Variants in MCTP2 observed in about 807,000 individuals in gnomAD.
MCTP2 encodes multiple C2 and transmembrane domain-containing protein 2.
A neutral mutation model predicts 111.6 loss-of-function variants in MCTP2; 132 were observed. The ratio of observed to expected loss-of-function variants is 1.18; its 90% CI spans 1.03 to 1.37. The LOEUF is 1.37. MCTP2 is among the 40% of genes most tolerant of loss of function. The probability of loss-of-function intolerance (pLI) is 0.00; values close to 1 mark genes in which losing one functional copy is unlikely to be tolerated. For synonymous variants in MCTP2, 395 were observed against 387.7 expected, an observed-to-expected ratio of 1.02 and a Z score of -0.22; for missense variants, 1,183 against 1,067.9, an observed-to-expected ratio of 1.11 and a Z score of -1.50.
chr15:94,415,039 A>G (rs964661230), intron 17 of MCTP2, among the ~76,000 whole-genome samples: 1 of 152,076 alleles, frequency 6.6e-6, no homozygotes, highest in Non-Finnish European at 1.5e-5. Context: ...AATGCCTTCT[A>G]TGTGGATGAT....
chr15:94,401,828 A>G (rs1219281772), intron 16 of MCTP2, 72 bp from the exon 17 acceptor site: 3 of 1,179,622 alleles, frequency 2.5e-6, no homozygotes, highest in Non-Finnish European at 3.6e-6. Context: ...TTAAATGATC[A>G]GGGTACCTGA....
At chr15:94,381,318 TTC>T (rs368569436) in intron 12 of MCTP2, among the ~76,000 whole-genome samples, 1 of 152,256 alleles carries the variant, frequency 6.6e-6, no homozygotes, top group Non-Finnish European at 1.5e-5. Flanking sequence ...TTCTTCTTGC[TTC>T]TCTCTGTTTA....
intron 19 of MCTP2, among the ~76,000 whole-genome samples, chr15:94,454,053 T>C (rs2084642370): frequency 6.6e-6 from 1 of 152,248 alleles, no homozygotes; most frequent in Admixed American, 6.5e-5. Context: ...GCTGTTAATC[T>C]TCCTGCCAAA....
At chr15:94,335,913 C>A (rs2152396656) in intron 4 of MCTP2, among the ~76,000 whole-genome samples, 1 of 152,208 alleles carries the variant, frequency 6.6e-6, no homozygotes, top group East Asian at 1.9e-4. Flanking sequence ...AAATGAGAAT[C>A]CGCGAAGAGT....
intron 1 of MCTP2, among the ~76,000 whole-genome samples, chr15:94,268,632 CT>C (rs1252512076): frequency 6.6e-6 from 1 of 152,154 alleles, no homozygotes; most frequent in Non-Finnish European, 1.5e-5. Flanking sequence ...ACCGTCAGAA[CT>C]TCTATTTCTG....
intron 14 of MCTP2, among the ~76,000 whole-genome samples, chr15:94,392,773 G>A (rs1299670038): frequency 1.3e-5 from 2 of 151,784 alleles, no homozygotes; most frequent in African/African-American, 4.8e-5. Flanking sequence ...CCAAGATCAC[G>A]CCACTGCACT....
intron 1 of MCTP2, among the ~76,000 whole-genome samples, chr15:94,245,517 T>C (rs1020127348): frequency 2.8e-5 from 4 of 142,254 alleles, no homozygotes; most frequent in East Asian, 2.0e-4. Flanking sequence ...TATACATATA[T>C]GTATATATTT....
chr15:94,353,824 C>T (rs2078448740), intron 8 of MCTP2, among the ~76,000 whole-genome samples: 1 of 152,050 alleles, frequency 6.6e-6, no homozygotes, highest in South Asian at 2.1e-4. Flanking sequence ...AGCCCATGTA[C>T]TTAATAAGCT....
chr15:94,250,124 T>C (rs2072306537), intron 1 of MCTP2, among the ~76,000 whole-genome samples: 1 of 152,154 alleles, frequency 6.6e-6, no homozygotes, highest in South Asian at 2.1e-4. Context: ...TAGAATTTTG[T>C]AGTTTGTGTT....
chr15:94,456,155 T>A (rs1368472420), intron 19 of MCTP2, among the ~76,000 whole-genome samples: 1 of 152,246 alleles, frequency 6.6e-6, no homozygotes, highest in Non-Finnish European at 1.5e-5. Context: ...GATGATAAGT[T>A]ATTCTGTTAC....
intron 12 of MCTP2, among the ~76,000 whole-genome samples, chr15:94,370,987 C>G (rs12324029): frequency 6.6e-6 from 1 of 152,002 alleles, no homozygotes; most frequent in Non-Finnish European, 1.5e-5. Flanking sequence ...TTCTTCCTTT[C>G]AGACAGGAAC....
chr15:94,273,874 C>A (rs753473982), intron 1 of MCTP2: 36 of 231,230 alleles, frequency 1.6e-4, no homozygotes, highest in Non-Finnish European at 3.1e-4. Context: ...TTCACTTGAG[C>A]AAGGTGGCTC....
intron 1 of MCTP2, among the ~76,000 whole-genome samples, chr15:94,243,964 CACACAT>C (rs1567255629): frequency 4.1e-5 from 6 of 145,098 alleles, no homozygotes; most frequent in Non-Finnish European, 9.1e-5. Context: ...TATATTTACA[CACACAT>C]ATGTATACAC....
At chr15:94,438,389 A>G (rs1304444795) in intron 17 of MCTP2, among the ~76,000 whole-genome samples, 1 of 152,140 alleles carries the variant, frequency 6.6e-6, no homozygotes, top group Non-Finnish European at 1.5e-5. Context: ...TTGTCTTTGG[A>G]AATGAGAGGA....
chr15:94,385,371 A>C, intron 13 of MCTP2, 52 bp from the exon 14 acceptor site: 3 of 1,226,012 alleles, frequency 2.4e-6, no homozygotes, highest in Non-Finnish European at 3.6e-6. Flanking sequence ...TCTTCATGGA[A>C]CAGACTTCAC....
intron 2 of MCTP2, among the ~76,000 whole-genome samples, chr15:94,302,169 G>A (rs1347277): frequency 0.84 from 128,021 of 152,190 alleles, 54,169 homozygotes; most frequent in East Asian, 0.99. Context: ...TTGTGTACCA[G>A]CGCTTCTCTG....
intron 10 of MCTP2, 94 bp from the exon 11 acceptor site, chr15:94,367,511 G>T: frequency 1.0e-6 from 1 of 972,516 alleles, no homozygotes; most frequent in South Asian, 1.6e-5. Context: ...GTGAGTTTTG[G>T]GGGATGATGA....
intron 2 of MCTP2, among the ~76,000 whole-genome samples, chr15:94,308,482 C>T (rs1012253015): frequency 6.6e-6 from 1 of 152,216 alleles, no homozygotes; most frequent in Non-Finnish European, 1.5e-5. Flanking sequence ...CATTTAGCCT[C>T]CTGGCTCTGC....
At chr15:94,387,218 G>C (rs754917650) in intron 14 of MCTP2, among the ~76,000 whole-genome samples, 1 of 150,554 alleles carries the variant, frequency 6.6e-6, no homozygotes, top group Admixed American at 6.7e-5. Context: ...CTTAATCAGG[G>C]TTTCTCAGTC....
Sources: allele counts gnomAD v4.1 joint callset (sites outside exome capture counted in the v4.1 genomes callset), GRCh38; gene constraint gnomAD v4.1.1; transcripts MANE v1.5; gene names NCBI Gene and HGNC (gene_info 2026-07-23, HGNC 2026-07-21).